TTC33: variants seen among roughly 807,000 people sequenced by gnomAD.
The protein encoded by TTC33 is tetratricopeptide repeat protein 33.
Under a neutral mutation model 29.4 loss-of-function variants are expected in TTC33, and 24 were observed. The ratio of observed to expected loss-of-function variants is 0.82; its 90% CI spans 0.59 to 1.15. TTC33 has a LOEUF of 1.15. Ranked by LOEUF, TTC33 falls within the 50% of genes most tolerant of loss-of-function variation. The probability of loss-of-function intolerance (pLI) is 0.00; values close to 1 mark genes in which losing one functional copy is unlikely to be tolerated. For synonymous variants in TTC33, 107 were observed against 100.3 expected, an observed-to-expected ratio of 1.07 and a Z score of -0.40; for missense variants, 286 against 310.4, an observed-to-expected ratio of 0.92 and a Z score of 0.59.
In TTC33 at chr5:40,746,383, A is replaced by AT. The variant is rs913495709; in HGVS notation, c.221+414dup. Among the ~76,000 whole-genome samples the AT allele has an allele frequency of 2.6e-4, 39 of 151,338 alleles. No homozygotes were observed. In the East Asian group the frequency reaches 2.7e-3, roughly 11 times the overall value. ...AATGGCAAAGAATAACTAAATACCT[A>AT]TTTTTTTTTATGTATGTGCCCTCAA... is the stretch of plus-strand genomic sequence containing the variant. On this transcript the variant is annotated intron_variant, in intron 2 of 4. Coordinates refer to ENST00000337702, the MANE Select transcript of TTC33 (RefSeq NM_012382.3).
At chr5:40,723,962 G>A (rs1742218851) in intron 4 of TTC33, among the ~76,000 whole-genome samples, 1 of 152,144 alleles carries the variant, frequency 6.6e-6, no homozygotes, top group Non-Finnish European at 1.5e-5. Context: ...AAATGGTGTA[G>A]CCATTATGGA....
intron 4 of TTC33, 50 bp downstream of exon 4, chr5:40,728,295 A>AAAAAAAAAAAAAAAAAT: frequency 8.1e-7 from 1 of 1,239,904 alleles, no homozygotes; most frequent in Non-Finnish European, 1.1e-6. Context: ...AAAAAAAAAA[A>AAAAAAAAAAAAAAAAAT]GTCAAAATAT....
intron 2 of TTC33, among the ~76,000 whole-genome samples, chr5:40,743,715 A>G (rs1298100506): frequency 6.6e-6 from 1 of 152,230 alleles, no homozygotes; most frequent in East Asian, 1.9e-4. Flanking sequence ...AGGAGGTTGC[A>G]GTGAGCCAAG....
Position 40,716,352 on chromosome 5 carries a change from T to C in TTC33, c.582A>G (p.Thr194=), listed in dbSNP as rs976713877. 1 of 1,614,182 alleles carries C rather than the reference T, an allele frequency of 6.2e-7. No homozygotes were observed. Among genetic ancestry groups the C allele is most frequent in the Admixed American group, 1.7e-5 (1 of 60,034 alleles). The stretch of plus-strand genomic sequence containing the variant: ...CTGGAATTGACTTTGGTGAAAAGTG[T>C]GTTACTTCAGCTGGTGCTTCACTTT... ...IKKSEAPAEV[T]HFSPKSIPDY... The change falls in exon 5 of 5, where the codon ACA becomes ACG. Residue 194 remains threonine (T), a synonymous_variant. Coordinates refer to ENST00000337702, the MANE Select transcript of TTC33 (RefSeq NM_012382.3).
intron 1 of TTC33, among the ~76,000 whole-genome samples, chr5:40,751,744 G>A (rs1742897820): frequency 6.6e-6 from 1 of 152,128 alleles, no homozygotes. Flanking sequence ...GGATCACAAG[G>A]TCAAGAGATA....
intron 2 of TTC33, among the ~76,000 whole-genome samples, chr5:40,740,545 A>G (rs932534681): frequency 5.9e-5 from 9 of 152,148 alleles, no homozygotes; most frequent in African/African-American, 2.2e-4. Flanking sequence ...AGCAAGGATA[A>G]ATATCTCATG....
chr5:40,750,619 AC>A (rs1050285068), intron 1 of TTC33, among the ~76,000 whole-genome samples: 11 of 152,024 alleles, frequency 7.2e-5, no homozygotes, highest in African/African-American at 2.7e-4. Flanking sequence ...TCTCCCTTTC[AC>A]AAAAAATTTT....
chr5:40,727,188 G>C (rs1226147473), intron 4 of TTC33, among the ~76,000 whole-genome samples: 3 of 152,118 alleles, frequency 2.0e-5, no homozygotes, highest in Non-Finnish European at 4.4e-5. Flanking sequence ...TAAAACCACT[G>C]TTAGTAAGTT....
At chr5:40,719,745 A>G (rs1250209465) in intron 4 of TTC33, among the ~76,000 whole-genome samples, 1 of 152,222 alleles carries the variant, frequency 6.6e-6, no homozygotes, top group Non-Finnish European at 1.5e-5. Context: ...GTGAATGTGA[A>G]GTAGTATCTC....
chr5:40,745,644 C>A (rs11749180), intron 2 of TTC33, among the ~76,000 whole-genome samples: 17,033 of 151,470 alleles, frequency 0.11, 1,288 homozygotes, highest in Non-Finnish European at 0.17. Flanking sequence ...CTGCCTCGGC[C>A]TCTCAAAGCA....
At chr5:40,733,589 A>G (rs1742484020) in intron 2 of TTC33, among the ~76,000 whole-genome samples, 1 of 152,214 alleles carries the variant, frequency 6.6e-6, no homozygotes, top group Non-Finnish European at 1.5e-5. Context: ...AGAGGAAGTT[A>G]TCACCCCATA....
At chr5:40,750,474 C>T (rs1176118567) in intron 1 of TTC33, among the ~76,000 whole-genome samples, 3 of 152,030 alleles carry the variant, frequency 2.0e-5, no homozygotes, top group Non-Finnish European at 4.4e-5. Context: ...AGGAGGATCA[C>T]CTGAGCCCAG....
chr5:40,740,518 T>C (rs1174127148), intron 2 of TTC33, among the ~76,000 whole-genome samples: 2 of 152,110 alleles, frequency 1.3e-5, no homozygotes, highest in South Asian at 4.1e-4. Context: ...CACTCCGAAA[T>C]CCATGGCCAC....
At chr5:40,729,184 G>T (rs1012307454) in intron 3 of TTC33, among the ~76,000 whole-genome samples, 1 of 152,134 alleles carries the variant, frequency 6.6e-6, no homozygotes, top group African/African-American at 2.4e-5. Flanking sequence ...ACATATTTAA[G>T]ATTGAAAAAG....
At position 40,744,754 on chromosome 5, in the gene TTC33, AT is replaced by A. The variant is rs3842599; in HGVS notation, c.221+2043del. Among the ~76,000 whole-genome samples the A allele has an allele frequency of 6.8e-4, 103 of 152,188 alleles. 1 individual carries two copies. The East Asian group carries it at 0.019, about 27-fold the overall frequency. ...AACAATTCTTATACTGTCAAGTGTA[AT>A]TTTTCTAATATATTTTCTTCACAGA... On this transcript the variant is annotated intron_variant, in intron 2 of 4. Transcript: ENST00000337702.
intron 4 of TTC33, among the ~76,000 whole-genome samples, chr5:40,717,661 A>G (rs948891456): frequency 1.3e-5 from 2 of 152,228 alleles, no homozygotes; most frequent in Non-Finnish European, 2.9e-5. Flanking sequence ...TGGGGGTAAA[A>G]CTGCCCTCCA....
intron 2 of TTC33, among the ~76,000 whole-genome samples, chr5:40,743,397 G>A (rs1742733909): frequency 1.3e-5 from 2 of 152,118 alleles, no homozygotes; most frequent in Non-Finnish European, 1.5e-5. Flanking sequence ...AAGTTGATTT[G>A]GTAGGCAGGG....
chr5:40,730,405 A>C, intron 2 of TTC33, 62 bp from the exon 3 acceptor site: 1 of 1,392,212 alleles, frequency 7.2e-7, no homozygotes, highest in Non-Finnish European at 1.0e-6. Context: ...ACTTTCAAAA[A>C]AAAATTTTTA....
At position 40,714,621 on chromosome 5, in the gene TTC33, CAT is replaced by C. The variant is rs1554025971; in HGVS notation, c.*1522_*1523del. ...TTATTAAACAAAATAAAATAATTAA[CAT>C]ATTTTTTGGAGCACTCTGAAACTAA... On this transcript the variant is annotated 3_prime_UTR_variant, in exon 5 of 5. Coordinates refer to ENST00000337702, the MANE Select transcript of TTC33 (RefSeq NM_012382.3). 1 of 152,072 alleles carries C rather than the reference CAT, an allele frequency of 6.6e-6. No homozygotes were observed. Among genetic ancestry groups the C allele is most frequent in the Non-Finnish European group, 1.5e-5 (1 of 67,948 alleles). The allele number at this position is 152,072 out of a possible 1,614,324, so 9.4% of individuals were successfully genotyped here. A position where few individuals can be genotyped will look rare whatever the true frequency, so the allele number is the denominator to read the frequency against.
Sources: gnomAD v4.1 joint callset for allele counts (sites outside exome capture counted in the v4.1 genomes callset) on GRCh38, gnomAD v4.1.1 for gene constraint, MANE v1.5 for transcripts, NCBI Gene and HGNC (gene_info 2026-07-23, HGNC 2026-07-21) for gene names.